Variants in TNFAIP8 observed in about 807,000 individuals in gnomAD.
TNFAIP8 encodes tumor necrosis factor alpha-induced protein 8.
In TNFAIP8, 7 loss-of-function variants were observed where a neutral mutation model predicts 13.3. The ratio of observed to expected loss-of-function variants is 0.52; its 90% CI spans 0.30 to 0.99. The LOEUF is 0.99. TNFAIP8 is among the 50% of genes least tolerant of loss of function. TNFAIP8 has a pLI of 0.07. For missense variants in TNFAIP8, 258 were observed against 236.9 expected, an observed-to-expected ratio of 1.09 and a Z score of -0.58; for synonymous variants, 94 against 87.6, an observed-to-expected ratio of 1.07 and a Z score of -0.41.
At chr5:119,363,292 G>T (rs1751701695) in intron 1 of TNFAIP8, among the ~76,000 whole-genome samples, 1 of 152,202 alleles carries the variant, frequency 6.6e-6, no homozygotes. Flanking sequence ...ATCTTCTAAG[G>T]GATGGGAATA....
chr5:119,360,889 A>T (rs185377004), intron 1 of TNFAIP8, among the ~76,000 whole-genome samples: 161 of 152,338 alleles, frequency 1.1e-3, no homozygotes, highest in Non-Finnish European at 1.3e-3. Flanking sequence ...TGTGAAATAA[A>T]ATTTAGCTCT....
chr5:119,368,420 T>C (rs1751949609), intron 1 of TNFAIP8, among the ~76,000 whole-genome samples: 1 of 143,436 alleles, frequency 7.0e-6, no homozygotes, highest in African/African-American at 2.6e-5. Flanking sequence ...CACTTACCTA[T>C]TCTAAGCAGC....
rs1287191198 is a variant in TNFAIP8, at chr5:119,389,794, G to A, written c.32-3022G>A. On this transcript the variant is annotated intron_variant, in intron 1 of 1. Coordinates refer to ENST00000504771, the MANE Select transcript of TNFAIP8 (RefSeq NM_014350.4). ...AAGAATAAAAGGAAAGTGTGACACA[G>A]CTGCTGTGTTTCTGGAGCGGGGTTT... 2.6e-5 allele frequency among the ~76,000 whole-genome samples: 4 copies of A among 152,186 alleles called. No individual in the cohort carries two copies. The South Asian group carries it at 6.2e-4, about 24-fold the overall frequency.
chr5:119,357,278 C>T (rs1751465927), intron 1 of TNFAIP8, among the ~76,000 whole-genome samples: 1 of 152,130 alleles, frequency 6.6e-6, no homozygotes, highest in South Asian at 2.1e-4. Context: ...CAGCCAGGAG[C>T]ATTGTTTTTG....
At chr5:119,390,177 A>G (rs958910926) in intron 1 of TNFAIP8, among the ~76,000 whole-genome samples, 2 of 152,178 alleles carry the variant, frequency 1.3e-5, no homozygotes, top group Non-Finnish European at 2.9e-5. Flanking sequence ...AGATATTTGT[A>G]GACTGTGCCA....
chr5:119,378,417 C>T lies in TNFAIP8; in HGVS notation c.32-14399C>T, dbSNP rs191934075. 7.2e-5 allele frequency among the ~76,000 whole-genome samples: 11 copies of T among 152,204 alleles called. No individual in the cohort carries two copies. In the East Asian group the frequency reaches 2.1e-3, roughly 29 times the overall value. The stretch of plus-strand genomic sequence containing the variant: ...CAAATTCCATCTTACTCTTTGTTTA[C>T]CTTTAACTGGATCTAGCCTCCTGAC... On this transcript the variant is annotated intron_variant, in intron 1 of 1. Transcript: ENST00000504771.
intron 1 of TNFAIP8, among the ~76,000 whole-genome samples, chr5:119,327,231 C>G (rs979423471): frequency 2.0e-5 from 3 of 152,104 alleles, no homozygotes; most frequent in African/African-American, 7.2e-5. Flanking sequence ...TTTTGTTAGG[C>G]TGAGGCGGAT....
At chr5:119,307,327 G>A (rs545687833) in intron 1 of TNFAIP8, among the ~76,000 whole-genome samples, 8 of 152,120 alleles carry the variant, frequency 5.3e-5, no homozygotes, top group African/African-American at 1.4e-4. Flanking sequence ...AAACAACCAC[G>A]TTTATATGTC....
intron 1 of TNFAIP8, among the ~76,000 whole-genome samples, chr5:119,389,319 A>T (rs1384026619): frequency 6.6e-6 from 1 of 152,212 alleles, no homozygotes; most frequent in Non-Finnish European, 1.5e-5. Context: ...TTACAAAATG[A>T]GTCCAGAAAA....
At chr5:119,370,018 C>T (rs891128509) in intron 1 of TNFAIP8, among the ~76,000 whole-genome samples, 2 of 152,326 alleles carry the variant, frequency 1.3e-5, no homozygotes, top group Middle Eastern at 3.4e-3. Flanking sequence ...TGTCTGAAAA[C>T]TTCTGTCACA....
chr5:119,355,881 C>T (rs1751385223), upstream of TNFAIP8: 15 of 1,181,348 alleles, frequency 1.3e-5, no homozygotes, highest in Non-Finnish European at 1.5e-5. Context: ...TCCCGCCGCC[C>T]AGCTGACACG....
chr5:119,355,948 C>G, upstream of TNFAIP8: 2 of 1,452,762 alleles, frequency 1.4e-6, no homozygotes, highest in Non-Finnish European at 1.8e-6. Context: ...AGAACCCGCT[C>G]TCCCGCCCCG....
chr5:119,296,197 C>G (rs1469589732), intron 1 of TNFAIP8, among the ~76,000 whole-genome samples: 1 of 151,470 alleles, frequency 6.6e-6, no homozygotes, highest in Non-Finnish European at 1.5e-5. Context: ...GCATCCCTGT[C>G]TTGTGCCAGT....
intron 1 of TNFAIP8, among the ~76,000 whole-genome samples, chr5:119,317,425 C>G (rs1223607037): frequency 6.6e-6 from 1 of 151,726 alleles, no homozygotes; most frequent in Non-Finnish European, 1.5e-5. Flanking sequence ...GCTGTAGAGA[C>G]TTTTTATTCT....
chr5:119,381,985 A>C (rs1389235296), intron 1 of TNFAIP8, among the ~76,000 whole-genome samples: 1 of 152,170 alleles, frequency 6.6e-6, no homozygotes, highest in Non-Finnish European at 1.5e-5. Flanking sequence ...CCTGGGTCTT[A>C]ACAAGCTATA....
At chr5:119,344,625 C>T (rs550341225) in intron 1 of TNFAIP8, among the ~76,000 whole-genome samples, 133 of 152,244 alleles carry the variant, frequency 8.7e-4, no homozygotes, top group South Asian at 5.8e-3. Context: ...GAATTTTCAA[C>T]CCACTGTCTT....
chr5:119,351,014 G>GTT (rs1751114701), intron 1 of TNFAIP8, among the ~76,000 whole-genome samples: 3 of 150,638 alleles, frequency 2.0e-5, no homozygotes, highest in Non-Finnish European at 4.4e-5. Context: ...GTGTGTGTGT[G>GTT]TGTGTGTGTG....
At chr5:119,296,869 T>C (rs375697781) in intron 1 of TNFAIP8, among the ~76,000 whole-genome samples, 2 of 152,054 alleles carry the variant, frequency 1.3e-5, no homozygotes, top group South Asian at 2.1e-4. Context: ...GTGTATGTGT[T>C]GAGGAATTTA....
At chr5:119,310,036 A>C (rs911701679) in intron 1 of TNFAIP8, among the ~76,000 whole-genome samples, 1 of 152,214 alleles carries the variant, frequency 6.6e-6, no homozygotes, top group Non-Finnish European at 1.5e-5. Context: ...TAGGATCTCA[A>C]AAAGTGGCTG....
Sources: allele counts gnomAD v4.1 joint callset (sites outside exome capture counted in the v4.1 genomes callset), GRCh38; gene constraint gnomAD v4.1.1; transcripts MANE v1.5; gene names NCBI Gene and HGNC (gene_info 2026-07-23, HGNC 2026-07-21).